The following LRRK2 variants were observed in gnomAD, a reference collection of about 807,000 sequenced individuals.
The protein encoded by LRRK2 is leucine-rich repeat serine/threonine-protein kinase 2.
LRRK2 carries 203 observed loss-of-function variants against 302.6 expected under a neutral mutation model. The observed-to-expected ratio is 0.67, with a 90% CI of 0.60 to 0.75. The LOEUF (loss-of-function observed/expected upper bound fraction) is 0.75, where lower values mean the gene tolerates loss of function less well. Ranked by LOEUF, LRRK2 falls within the 30% of genes least tolerant of loss-of-function variation. The probability of loss-of-function intolerance (pLI) is 0.00; values close to 1 mark genes in which losing one functional copy is unlikely to be tolerated. For missense variants in LRRK2, 2,830 were observed against 2,951.0 expected (o/e 0.96, Z 0.95); for synonymous variants, 1,066 against 1,031.9 (o/e 1.03, Z -0.63).
At chr12:40,299,359 G>A in intron 25 of LRRK2, 102 bp downstream of exon 25, 1 of 1,262,112 alleles carries the variant, frequency 7.9e-7, no homozygotes, top group African/African-American at 1.5e-5. Flanking sequence ...TGGCATTTCA[G>A]TTTAAATATT....
At chr12:40,357,721 C>T (rs1404806182) in intron 46 of LRRK2, among the ~76,000 whole-genome samples, 1 of 151,824 alleles carries the variant, frequency 6.6e-6, no homozygotes, top group Non-Finnish European at 1.5e-5. Flanking sequence ...TTCATATATC[C>T]ATTGGCCATT....
At chr12:40,287,012 T>C (rs7955967) in intron 19 of LRRK2, among the ~76,000 whole-genome samples, 149,024 of 152,102 alleles carry the variant, frequency 0.98, 73,016 homozygotes, top group East Asian at 1. Flanking sequence ...AGGACACTGA[T>C]ACCCAGGGAG....
At chr12:40,233,462 T>C (rs1046367940) in intron 3 of LRRK2, among the ~76,000 whole-genome samples, 4 of 152,212 alleles carry the variant, frequency 2.6e-5, no homozygotes, top group African/African-American at 9.7e-5. Flanking sequence ...TGTCTGTGCT[T>C]ATACATTTTC....
chr12:40,328,242 C>T (rs1945609143), intron 38 of LRRK2, 118 bp from the exon 39 acceptor site: 1 of 739,348 alleles, frequency 1.4e-6, no homozygotes, highest in African/African-American at 1.8e-5. Context: ...TTCAATGAAA[C>T]AAGTAGGTCA....
At chr12:40,310,785 C>A in intron 31 of LRRK2, 136 bp downstream of exon 31, 1 of 800,592 alleles carries the variant, frequency 1.2e-6, no homozygotes, top group Non-Finnish European at 2.0e-6. Flanking sequence ...TTATTAAAGT[C>A]CTTTCCATTT....
intron 8 of LRRK2, 54 bp downstream of exon 8, chr12:40,249,999 T>C (rs1294282239): frequency 6.2e-7 from 1 of 1,601,470 alleles, no homozygotes; most frequent in Non-Finnish European, 8.5e-7. Context: ...ACATCAAATA[T>C]GAACATTGTA....
At chr12:40,285,626 A>G (rs1409428025) in intron 19 of LRRK2, among the ~76,000 whole-genome samples, 1 of 152,106 alleles carries the variant, frequency 6.6e-6, no homozygotes, top group Non-Finnish European at 1.5e-5. Flanking sequence ...AATTATGTAC[A>G]AAAATGCACA....
intron 16 of LRRK2, among the ~76,000 whole-genome samples, chr12:40,276,587 C>T (rs1943464104): frequency 6.6e-6 from 1 of 152,168 alleles, no homozygotes; most frequent in Non-Finnish European, 1.5e-5. Flanking sequence ...TGAGCCACTG[C>T]ACCCGGCCTT....
chr12:40,305,240 T>G (rs900131757), intron 27 of LRRK2, among the ~76,000 whole-genome samples: 2 of 152,192 alleles, frequency 1.3e-5, no homozygotes, highest in Non-Finnish European at 2.9e-5. Context: ...GCATATATTT[T>G]GCTACCTGAT....
rs567543934 is a variant in LRRK2, at chr12:40,363,422, G to C, written c.7049G>C (p.Ser2350Thr). The C allele has an allele frequency of 1.2e-6, 2 of 1,611,664 alleles. No homozygotes were observed. Among genetic ancestry groups the C allele is most frequent in the Admixed American group, 3.3e-5 (2 of 59,798 alleles). Residue 2350 changes from serine (S) to threonine (T), a missense_variant, in exon 48 of 51, where the codon AGT becomes ACT. Coordinates refer to ENST00000298910, the MANE Select transcript of LRRK2 (RefSeq NM_198578.4). Reference sequence around the variant, plus strand: ...TGTAGGTTTTCTTATGCAGCTTTCAGTGATTCCAACATCATAACAGTGGTG... The same window carrying C: ...TGTAGGTTTTCTTATGCAGCTTTCACTGATTCCAACATCATAACAGTGGTG... ...TSQLFSYAAF[S>T]DSNIITVVVD...
At position 40,257,414 on chromosome 12, in the gene LRRK2, T is replaced by C. The variant is rs200441262; in HGVS notation, c.1418+37T>C. The C allele has an allele frequency of 1.0e-4, 159 of 1,592,272 alleles. No homozygotes were observed. In the African/African-American group the frequency reaches 1.9e-3, roughly 19 times the overall value. ...TCATTAACTTGTACAGAATATATCATATTGGGCCAGGTAGAATATCAATAT... is the reference window on the plus strand; with the variant it reads ...TCATTAACTTGTACAGAATATATCACATTGGGCCAGGTAGAATATCAATAT... On this transcript the variant is annotated intron_variant, in intron 12 of 50. Transcript: ENST00000298910.
At position 40,308,662 on chromosome 12, in the gene LRRK2, G is replaced by A. The variant is rs781093633; in HGVS notation, c.4155G>A (p.Lys1385=). Residue 1385 remains lysine, a synonymous_variant, in exon 29 of 51, where the codon AAG becomes AAA. Transcript: ENST00000298910. The part of the protein sequence containing the change: ...DWPIQIRDKR[K]RDLVLNVWDF... ...CTATCCAAATAAGAGACAAAAGAAA[G>A]AGAGATCTCGTCCTAAATGTGTGGG... The A allele has an allele frequency of 6.2e-7, 1 of 1,613,862 alleles. No homozygotes were observed. Among genetic ancestry groups the A allele is most frequent in the South Asian group, 1.1e-5 (1 of 91,080 alleles).
intron 14 of LRRK2, among the ~76,000 whole-genome samples, chr12:40,266,068 A>G (rs1012361225): frequency 3.3e-5 from 5 of 152,222 alleles, no homozygotes; most frequent in African/African-American, 4.8e-5. Context: ...AACCTAAGCA[A>G]TACTATTCAG....
At chr12:40,239,503 C>G (rs1159398899) in intron 5 of LRRK2, among the ~76,000 whole-genome samples, 9 of 152,098 alleles carry the variant, frequency 5.9e-5, no homozygotes, top group Admixed American at 5.9e-4. Context: ...TTTAGTCCAT[C>G]TAAGACACTG....
intron 18 of LRRK2, among the ~76,000 whole-genome samples, chr12:40,281,074 AAAAAAAAC>A (rs1943675933): frequency 6.6e-6 from 1 of 151,668 alleles, no homozygotes; most frequent in South Asian, 2.1e-4. Flanking sequence ...TCTCAAAAAA[AAAAAAAAC>A]AAAAAACGAA....
In LRRK2 at chr12:40,359,247, T is replaced by TG; in HGVS notation, c.6844-13_6844-12insG. On this transcript the variant is annotated splice_polypyrimidine_tract_variant and intron_variant, in intron 46 of 50. Transcript: ENST00000298910. ...CAATTTGCTGAGTGTGTTTTCTTTT[T>TG]TTTTTGGCAAAGCTTAAAGGAGCTG... The TG allele has an allele frequency of 1.2e-6, 2 of 1,603,934 alleles. No homozygotes were observed. The highest frequency in any genetic ancestry group is 1.7e-6 in the Non-Finnish European group (2 of 1,177,864).
chr12:40,278,341 C>T, intron 18 of LRRK2, 80 bp downstream of exon 18: 1 of 1,503,358 alleles, frequency 6.7e-7, no homozygotes, highest in South Asian at 1.1e-5. Flanking sequence ...GTATCTCTTA[C>T]TTATATCATA....
Position 40,240,495 on chromosome 12 carries a change from AACTG to A in LRRK2, c.590_593del (p.Thr197AsnfsTer9). On this transcript the variant is annotated frameshift_variant, in exon 6 of 51. Coordinates refer to ENST00000298910, the MANE Select transcript of LRRK2 (RefSeq NM_198578.4). LOFTEE classifies it high-confidence loss of function. Reference sequence around the variant, plus strand: ...TTTCATTTTTAAGTCTCAGAGGAGCAACTGACTGAATTTGTTGAGAACAAAGATT... The same window carrying A: ...TTTCATTTTTAAGTCTCAGAGGAGCAACTGAATTTGTTGAGAACAAAGATT... 1 of 1,613,020 alleles carries A rather than the reference AACTG, an allele frequency of 6.2e-7. No homozygotes were observed. Among genetic ancestry groups the A allele is most frequent in the Non-Finnish European group, 8.5e-7 (1 of 1,179,368 alleles).
intron 25 of LRRK2, among the ~76,000 whole-genome samples, chr12:40,301,495 A>C (rs566399064): frequency 2.0e-5 from 3 of 152,284 alleles, no homozygotes; most frequent in African/African-American, 7.2e-5. Context: ...AGTGTTTTCC[A>C]TACAGCATAT....
Sources: gnomAD v4.1 joint callset for allele counts (sites outside exome capture counted in the v4.1 genomes callset) on GRCh38, gnomAD v4.1.1 for gene constraint, MANE v1.5 for transcripts, NCBI Gene and HGNC (gene_info 2026-07-23, HGNC 2026-07-21) for gene names.